Variants in GIT2 observed in about 807,000 individuals in gnomAD.
GIT2 encodes ARF GTPase-activating protein GIT2.
GIT2 carries 32 observed loss-of-function variants against 100.3 expected under a neutral mutation model. The ratio of observed to expected loss-of-function variants is 0.32; its 90% confidence interval spans 0.24 to 0.43. The LOEUF (loss-of-function observed/expected upper bound fraction) is 0.43. Ranked by LOEUF, GIT2 falls within the 20% of genes least tolerant of loss-of-function variation. The pLI is 1.00. For missense variants in GIT2, 737 were observed against 975.1 expected (o/e 0.76, Z 3.25); for synonymous variants, 353 against 364.1 (o/e 0.97, Z 0.35).
At chr12:109,958,264 C>A (rs1880100390) in intron 12 of GIT2, among the ~76,000 whole-genome samples, 1 of 147,206 alleles carries the variant, frequency 6.8e-6, no homozygotes, top group East Asian at 2.0e-4. Context: ...TTTTTTGAGA[C>A]AGAGTCTCAC....
At chr12:109,938,313 TG>T in intron 18 of GIT2, 66 bp downstream of exon 18, 1 of 1,118,670 alleles carries the variant, frequency 8.9e-7, no homozygotes, top group Non-Finnish European at 1.3e-6. Flanking sequence ...ATTAGGAACA[TG>T]GGCATCATCC....
intron 18 of GIT2, among the ~76,000 whole-genome samples, chr12:109,935,367 T>C (rs2136132309): frequency 6.6e-6 from 1 of 152,244 alleles, no homozygotes; most frequent in African/African-American, 2.4e-5. Context: ...TCTGTTAATA[T>C]CACAGTGACT....
chr12:109,993,862 T>C (rs1186644954), intron 1 of GIT2, among the ~76,000 whole-genome samples: 1 of 149,832 alleles, frequency 6.7e-6, no homozygotes, highest in East Asian at 1.9e-4. Context: ...ACCAGATTCA[T>C]TAAAAAAAAA....
intron 16 of GIT2, among the ~76,000 whole-genome samples, chr12:109,943,214 C>T (rs1875274227): frequency 6.6e-6 from 1 of 152,166 alleles, no homozygotes; most frequent in South Asian, 2.1e-4. Context: ...TCACAGTAGA[C>T]AAAAGAGGTT....
At chr12:109,991,412 T>C (rs1566024369) in intron 2 of GIT2, among the ~76,000 whole-genome samples, 3 of 152,258 alleles carry the variant, frequency 2.0e-5, no homozygotes, top group Non-Finnish European at 4.4e-5. Context: ...ATAATTGAGC[T>C]TGTTGAACAA....
chr12:109,996,975 G>C (rs1053734523), upstream of GIT2, among the ~76,000 whole-genome samples: 2 of 151,854 alleles, frequency 1.3e-5, no homozygotes, highest in Non-Finnish European at 2.9e-5. Flanking sequence ...ACTTTGGGAG[G>C]CCGAGGCGGG....
intron 18 of GIT2, among the ~76,000 whole-genome samples, chr12:109,936,983 T>C (rs1873219246): frequency 6.6e-6 from 1 of 152,162 alleles, no homozygotes; most frequent in Non-Finnish European, 1.5e-5. Flanking sequence ...GTGAGTGTGC[T>C]TGTAACCCGT....
intron 12 of GIT2, among the ~76,000 whole-genome samples, chr12:109,956,363 A>G (rs546092580): frequency 1.3e-5 from 2 of 152,334 alleles, no homozygotes; most frequent in African/African-American, 4.8e-5. Flanking sequence ...GAAATGACCA[A>G]TGAAAAGCAC....
chr12:109,985,533 T>A (rs2136873295), intron 4 of GIT2, among the ~76,000 whole-genome samples: 1 of 152,212 alleles, frequency 6.6e-6, no homozygotes, highest in Middle Eastern at 3.4e-3. Flanking sequence ...ATGGACAACA[T>A]GGTGAAACCC....
intron 3 of GIT2, among the ~76,000 whole-genome samples, chr12:109,989,484 C>G (rs1887998333): frequency 6.6e-6 from 1 of 152,122 alleles, no homozygotes; most frequent in African/African-American, 2.4e-5. Context: ...ACTGAGGAAG[C>G]CACTTACTCC....
chr12:109,940,092 G>A (rs1311330414), intron 16 of GIT2: 11 of 152,074 alleles, frequency 7.2e-5, no homozygotes, highest in Non-Finnish European at 1.5e-5. Flanking sequence ...TTCATGCCTG[G>A]GCTCAAATCT....
At position 109,934,286 on chromosome 12, in the gene GIT2, A is replaced by T; in HGVS notation, c.2004-201T>A. 1.7e-6 allele frequency: 1 copy of T among 579,482 alleles called. No homozygotes were observed. The highest frequency in any genetic ancestry group is 2.9e-5 in the East Asian group (1 of 35,034). 35.9% of individuals were successfully genotyped at this position (579,482 alleles called of 1,614,324 possible). On this transcript the variant is annotated intron_variant, in intron 18 of 19. Transcript: ENST00000355312. This position sits in a 1 kb window ranked among gnomAD's most constrained non-coding sequence, Gnocchi z 4.5. ...GCTTCCTAAAAGTTCAATCTGATGA[A>T]AAGTCTCCAGGTATGAAATATGGCA...
intron 7 of GIT2, among the ~76,000 whole-genome samples, chr12:109,969,696 G>A (rs1883372978): frequency 6.6e-6 from 1 of 151,828 alleles, no homozygotes; most frequent in Admixed American, 6.6e-5. Flanking sequence ...ACAGGCGTGA[G>A]CCACCATACT....
chr12:109,996,531 C>T, upstream of GIT2: 1 of 385,252 alleles, frequency 2.6e-6, no homozygotes, highest in Non-Finnish European at 4.7e-6. Flanking sequence ...GGCAGAGATT[C>T]CCCTCGTCCC....
At chr12:109,997,941 C>G (rs1036104882), upstream of GIT2, 13 of 152,164 alleles carry the variant, frequency 8.5e-5, no homozygotes, top group African/African-American at 2.9e-4. Flanking sequence ...ATAAACACAG[C>G]TATGATCTCC....
chr12:109,991,031 C>T (rs1436350845), intron 2 of GIT2, among the ~76,000 whole-genome samples: 2 of 152,154 alleles, frequency 1.3e-5, no homozygotes, highest in African/African-American at 4.8e-5. Flanking sequence ...GACTACTGGC[C>T]GGGCGCGGTG....
Position 109,983,342 on chromosome 12 carries a change from G to C in GIT2, c.623+31C>G. ...AATCACACCCAACAAAAAAATCCCAGAGAGAAGTAGCGAGAATCTAGGTCT... is the reference window on the plus strand; with the variant it reads ...AATCACACCCAACAAAAAAATCCCACAGAGAAGTAGCGAGAATCTAGGTCT... On this transcript the variant is annotated intron_variant, in intron 6 of 19. Coordinates refer to ENST00000355312, the MANE Select transcript of GIT2 (RefSeq NM_057169.5). The C allele has an allele frequency of 1.2e-6, 2 of 1,601,956 alleles. 1 individual carries two copies. The highest frequency in any genetic ancestry group is 3.5e-5 in the Admixed American group (2 of 57,572).
chr12:109,961,416 T>C (rs1430964869), intron 10 of GIT2, 41 bp from the exon 11 acceptor site: 1 of 1,235,488 alleles, frequency 8.1e-7, no homozygotes, highest in Non-Finnish European at 1.2e-6. Context: ...TCATCACGCC[T>C]GTGTGCCACT....
At chr12:109,954,105 G>C (rs971128288) in intron 12 of GIT2, 2 of 152,004 alleles carry the variant, frequency 1.3e-5, no homozygotes, top group East Asian at 1.9e-4. Flanking sequence ...TCAGGAGATC[G>C]AAACCATCCT....
Sources: allele counts gnomAD v4.1 joint callset (sites outside exome capture counted in the v4.1 genomes callset), GRCh38; gene constraint gnomAD v4.1.1; non-coding constraint Gnocchi (gnomAD v3.1); transcripts MANE v1.5; gene names NCBI Gene and HGNC (gene_info 2026-07-23, HGNC 2026-07-21).